The following RAB33B variants were observed in gnomAD, a reference collection of about 807,000 sequenced individuals.
The protein encoded by RAB33B is RAB33B, member RAS oncogene family.
In RAB33B, 6 loss-of-function variants were observed where a neutral mutation model predicts 15.0. The ratio of observed to expected loss-of-function variants is 0.40; its 90% CI spans 0.22 to 0.79. The LOEUF is 0.79. Ranked by LOEUF, RAB33B falls within the 30% of genes least tolerant of loss-of-function variation. The pLI is 0.37. For missense variants in RAB33B, 257 were observed against 296.4 expected (o/e 0.87, Z 0.98); for synonymous variants, 117 against 108.3 (o/e 1.08, Z -0.50).
At chr4:139,440,644 G>A in the RAB33B span, among the ~76,000 whole-genome samples, 27,885 of 150,228 alleles carry the variant, frequency 0.19, 3,001 homozygotes, top group Non-Finnish European at 0.25. Flanking sequence ...ACAGAGTCTC[G>A]CTCTGTTACC....
chr4:139,451,201 T>C (rs1413693475), upstream of RAB33B: 7 of 151,920 alleles, frequency 4.6e-5, no homozygotes, highest in African/African-American at 1.7e-4. Flanking sequence ...ACCCAGCCTG[T>C]TTACTTTTAT....
chr4:139,468,839 G>A (rs750457172), intron 1 of RAB33B, among the ~76,000 whole-genome samples: 3 of 152,156 alleles, frequency 2.0e-5, no homozygotes, highest in Non-Finnish European at 2.9e-5. Context: ...ACCATTCTAG[G>A]ATAAAAGGTT....
chr4:139,475,779 C>T lies in RAB33B; in HGVS notation c.*2653C>T, dbSNP rs1750489695. 1 of 152,146 alleles carries T rather than the reference C, an allele frequency of 6.6e-6. No individual in the cohort carries two copies. Among genetic ancestry groups the T allele is most frequent in the African/African-American group, 2.4e-5 (1 of 41,442 alleles). The allele number at this position is 152,146 out of a possible 1,614,324, so 9.4% of individuals were successfully genotyped here. On this transcript the variant is annotated 3_prime_UTR_variant, in exon 2 of 2. Transcript: ENST00000305626. ...CTACCCCAGAATCTAATGTAGTTCG[C>T]TATTAATAACAATGCATTATTGAAA...
chr4:139,466,773 T>C (rs1750295426), intron 1 of RAB33B, among the ~76,000 whole-genome samples: 1 of 151,438 alleles, frequency 6.6e-6, no homozygotes, highest in African/African-American at 2.4e-5. Flanking sequence ...AGAGACGGGG[T>C]TTTGCCCTGT....
chr4:139,451,404 T>C (rs1303948893), upstream of RAB33B: 1 of 134,188 alleles, frequency 7.5e-6, no homozygotes, highest in African/African-American at 2.9e-5. Context: ...ACAGGAGGTC[T>C]CACTCTGTTG....
At chr4:139,462,851 G>T (rs1750200304) in intron 1 of RAB33B, among the ~76,000 whole-genome samples, 1 of 152,140 alleles carries the variant, frequency 6.6e-6, no homozygotes, top group Admixed American at 6.5e-5. Context: ...ACAAATTTTT[G>T]TGATTATTTG....
intron 1 of RAB33B, among the ~76,000 whole-genome samples, chr4:139,471,417 G>T (rs1035137248): frequency 6.6e-6 from 1 of 151,926 alleles, no homozygotes; most frequent in Admixed American, 6.6e-5. Flanking sequence ...GGGGGTGGGT[G>T]TTGGCAATTC....
chr4:139,466,975 T>TC (rs1750300563), intron 1 of RAB33B, among the ~76,000 whole-genome samples: 1 of 142,700 alleles, frequency 7.0e-6, no homozygotes, highest in African/African-American at 2.6e-5. Flanking sequence ...TTTTTTTTTT[T>TC]TTTTTTTTTT....
intron 1 of RAB33B, among the ~76,000 whole-genome samples, chr4:139,460,109 G>A (rs2111074080): frequency 1.3e-5 from 2 of 152,288 alleles, no homozygotes; most frequent in South Asian, 4.1e-4. Context: ...ACTGGCTGTT[G>A]GTGATGAGAA....
rs1305300298 is a variant in RAB33B, at chr4:139,472,982, C to A, written c.546C>A (p.Pro182=). 6 of 1,614,126 alleles carry A rather than the reference C, an allele frequency of 3.7e-6. No individual in the cohort carries two copies. The Admixed American group carries it at 6.7e-5, about 18-fold the overall frequency. The part of the protein sequence containing the change: ...MPLFETSAKN[P]NDNDHVEAIF... The stretch of plus-strand genomic sequence containing the variant: ...TGTTTGAAACGTCTGCTAAAAACCC[C>A]AATGATAATGACCATGTGGAAGCTA... The change falls in exon 2 of 2, where the codon CCC becomes CCA. Residue 182 remains proline (P), a synonymous_variant. Coordinates refer to ENST00000305626, the MANE Select transcript of RAB33B (RefSeq NM_031296.3).
intron 1 of RAB33B, among the ~76,000 whole-genome samples, chr4:139,458,557 C>T (rs1750112757): frequency 6.6e-6 from 1 of 152,176 alleles, no homozygotes; most frequent in Non-Finnish European, 1.5e-5. Flanking sequence ...GGATAATAGC[C>T]TCCGGCTCCA....
At chr4:139,461,419 T>C (rs1309636000) in intron 1 of RAB33B, among the ~76,000 whole-genome samples, 2 of 152,208 alleles carry the variant, frequency 1.3e-5, no homozygotes, top group African/African-American at 2.4e-5. Context: ...TTTGTGGCCT[T>C]GGGTGAATTA....
At chr4:139,461,141 C>G (rs1414353016) in intron 1 of RAB33B, among the ~76,000 whole-genome samples, 1 of 152,146 alleles carries the variant, frequency 6.6e-6, no homozygotes, top group Non-Finnish European at 1.5e-5. Flanking sequence ...TCTGCCAGTT[C>G]CAACTGCAGC....
At chr4:139,460,298 C>T (rs917385987) in intron 1 of RAB33B, among the ~76,000 whole-genome samples, 16 of 152,086 alleles carry the variant, frequency 1.1e-4, no homozygotes, top group Non-Finnish European at 1.8e-4. Context: ...CTACAAATAC[C>T]GGATTGGCAC....
In RAB33B at chr4:139,464,392, T is replaced by TG. The variant is rs1222248736; in HGVS notation, c.250-8294_250-8293insG. Reference sequence around the variant, plus strand: ...TGATGGGAAGAGGAATACTGTTTTTTTTTTTTTTTTTTTTTTTTTTATACT... The same window carrying TG: ...TGATGGGAAGAGGAATACTGTTTTTTGTTTTTTTTTTTTTTTTTTTTATACT... On this transcript the variant is annotated intron_variant, in intron 1 of 1. Coordinates refer to ENST00000305626, the MANE Select transcript of RAB33B (RefSeq NM_031296.3). Among the ~76,000 whole-genome samples, 613 of 145,656 alleles carry TG rather than the reference T, an allele frequency of 4.2e-3. 7 individuals carry two copies. Among genetic ancestry groups the TG allele is most frequent in the African/African-American group, 0.013 (528 of 39,188 alleles).
At chr4:139,448,093 G>A in the RAB33B span, among the ~76,000 whole-genome samples, 11 of 152,252 alleles carry the variant, frequency 7.2e-5, no homozygotes, top group African/African-American at 2.4e-4. Context: ...AGTATGCATG[G>A]AATACAGAGA....
chr4:139,457,898 G>A (rs977163261), intron 1 of RAB33B, among the ~76,000 whole-genome samples: 2 of 151,984 alleles, frequency 1.3e-5, no homozygotes, highest in Non-Finnish European at 2.9e-5. Context: ...AGTCCAATTG[G>A]TTTTCCACCT....
At chr4:139,467,349 TTTCCCTATGTTGTTCAGACTGGTC>T (rs1561006332) in intron 1 of RAB33B, among the ~76,000 whole-genome samples, 1 of 111,318 alleles carries the variant, frequency 9.0e-6, no homozygotes, top group African/African-American at 2.9e-5. Context: ...AGAGACAGGG[TTTCCCTATGTTGTTCAGACTGGTC>T]TTTTTTTTTT....
chr4:139,465,587 C>T (rs1750268246), intron 1 of RAB33B, among the ~76,000 whole-genome samples: 2 of 152,062 alleles, frequency 1.3e-5, no homozygotes, highest in African/African-American at 4.8e-5. Flanking sequence ...GGAAGGGATC[C>T]AGTTTCAGCT....
Sources: gnomAD v4.1 joint callset for allele counts (sites outside exome capture counted in the v4.1 genomes callset) on GRCh38, gnomAD v4.1.1 for gene constraint, MANE v1.5 for transcripts, NCBI Gene and HGNC (gene_info 2026-07-23, HGNC 2026-07-21) for gene names.